PDC: variants seen among roughly 807,000 people sequenced by gnomAD.
The protein encoded by PDC is phosducin.
In PDC, 19 loss-of-function variants were observed where a neutral mutation model predicts 22.2. That is an observed-to-expected ratio of 0.86 (90% CI 0.60 to 1.26). The LOEUF is 1.26. Among genes scored for constraint, PDC ranks in the 50% most tolerant of loss-of-function variants. The pLI is 0.00. For synonymous variants in PDC, 97 were observed against 96.2 expected (o/e 1.01, Z -0.05); for missense variants, 274 against 286.8 (o/e 0.96, Z 0.32).
chr1:186,445,502 AT>A (rs1662207242), intron 3 of PDC, among the ~76,000 whole-genome samples: 1 of 151,964 alleles, frequency 6.6e-6, no homozygotes, highest in Non-Finnish European at 1.5e-5. Context: ...TCTTTTCCTT[AT>A]CATATTTTTT....
intron 1 of PDC, among the ~76,000 whole-genome samples, chr1:186,460,447 G>A (rs1244460586): frequency 6.6e-6 from 1 of 152,126 alleles, no homozygotes; most frequent in Non-Finnish European, 1.5e-5. Context: ...AGGTCCCAAA[G>A]CGCAAGTGTT....
At chr1:186,446,344 T>C in intron 3 of PDC, 82 bp downstream of exon 3, 1 of 1,035,860 alleles carries the variant, frequency 9.7e-7, no homozygotes, top group Non-Finnish European at 1.4e-6. Flanking sequence ...TATTTTGTAA[T>C]AGTCTAAAGT....
chr1:186,453,521 G>T (rs1283706617), intron 1 of PDC, among the ~76,000 whole-genome samples: 2 of 152,122 alleles, frequency 1.3e-5, no homozygotes, highest in Non-Finnish European at 2.9e-5. Flanking sequence ...AGCTATTGTA[G>T]TTTATTGGTA....
chr1:186,450,525 T>A (rs991748587), intron 1 of PDC, among the ~76,000 whole-genome samples: 3 of 151,964 alleles, frequency 2.0e-5, no homozygotes, highest in African/African-American at 7.3e-5. Context: ...TTTTTTTTAT[T>A]TTTTGGTATG....
chr1:186,444,964 A>C (rs1467394336), intron 3 of PDC, among the ~76,000 whole-genome samples: 1 of 152,160 alleles, frequency 6.6e-6, no homozygotes, highest in Non-Finnish European at 1.5e-5. Flanking sequence ...TAGAACCTAT[A>C]AGAGTGAGGC....
chr1:186,457,689 A>G (rs1200763755), intron 1 of PDC, among the ~76,000 whole-genome samples: 1 of 152,180 alleles, frequency 6.6e-6, no homozygotes, highest in Non-Finnish European at 1.5e-5. Context: ...TGGTATCATA[A>G]TAAGAGTTTT....
intron 1 of PDC, among the ~76,000 whole-genome samples, chr1:186,455,304 T>G (rs1245936170): frequency 1.3e-5 from 2 of 152,180 alleles, no homozygotes; most frequent in Admixed American, 1.3e-4. Context: ...TTTGACCTCA[T>G]TTAACTTTAA....
chr1:186,449,103 G>A (rs58724193), intron 2 of PDC, among the ~76,000 whole-genome samples: 3,425 of 152,118 alleles, frequency 0.023, 145 homozygotes, highest in African/African-American at 0.077. Flanking sequence ...GTACAATCAG[G>A]AGAGAGGAAA....
rs183018939 is a variant in PDC, at chr1:186,459,802, A to T, written c.-25+1257T>A. Among the ~76,000 whole-genome samples the T allele has an allele frequency of 6.3e-3, 896 of 142,130 alleles. 13 individuals carry two copies. The highest frequency in any genetic ancestry group is 0.022 in the African/African-American group (862 of 39,624). The allele number at this position is 142,130 out of a possible 152,430, so 93.2% of individuals were successfully genotyped here. A position where few individuals can be genotyped will look rare whatever the true frequency, so the allele number is the denominator to read the frequency against. ...TATATTTAAAATGGACTCTATAGTT[A>T]GAAGCTATTTTTGCAGTTAATAAAA... On this transcript the variant is annotated intron_variant, in intron 1 of 3. Coordinates refer to ENST00000391997, the MANE Select transcript of PDC (RefSeq NM_002597.5).
intron 3 of PDC, 117 bp downstream of exon 3, chr1:186,446,309 A>G: frequency 1.4e-6 from 1 of 707,642 alleles, no homozygotes; most frequent in Non-Finnish European, 2.1e-6. Context: ...TTTTTTTGCC[A>G]GCGTAAGCAA....
intron 3 of PDC, among the ~76,000 whole-genome samples, chr1:186,444,885 C>A (rs915032784): frequency 6.6e-6 from 1 of 152,144 alleles, no homozygotes; most frequent in Non-Finnish European, 1.5e-5. Flanking sequence ...TTTGGACCAG[C>A]AGCATCAGCA....
At chr1:186,457,016 CTG>C (rs946180917) in intron 1 of PDC, among the ~76,000 whole-genome samples, 3 of 152,178 alleles carry the variant, frequency 2.0e-5, no homozygotes, top group Admixed American at 1.3e-4. Flanking sequence ...GAGTGTCACA[CTG>C]TGTTCTAGTC....
chr1:186,455,797 TAAAAAAAAAAAAA>T (rs71104862), intron 1 of PDC, among the ~76,000 whole-genome samples: 1 of 39,356 alleles, frequency 2.5e-5, no homozygotes, highest in African/African-American at 1.1e-4. Context: ...CCGTCTCTAC[TAAAAAAAAAAAAA>T]AAAAAAAAAA....
At chr1:186,445,575 T>C (rs1051718246) in intron 3 of PDC, among the ~76,000 whole-genome samples, 1 of 152,176 alleles carries the variant, frequency 6.6e-6, no homozygotes, top group African/African-American at 2.4e-5. Flanking sequence ...TCCCAGCACT[T>C]TGGCAGGCCA....
chr1:186,446,968 A>G (rs1050534190), intron 2 of PDC, among the ~76,000 whole-genome samples: 2 of 152,192 alleles, frequency 1.3e-5, no homozygotes, highest in Non-Finnish European at 2.9e-5. Flanking sequence ...GCATTACAGT[A>G]TTAATAAAGG....
At chr1:186,459,926 A>C (rs1489679050) in intron 1 of PDC, among the ~76,000 whole-genome samples, 2 of 151,296 alleles carry the variant, frequency 1.3e-5, no homozygotes, top group Non-Finnish European at 3.0e-5. Flanking sequence ...AAATAGAAAA[A>C]AAAAAACCAA....
chr1:186,450,700 A>G (rs1480608302), intron 1 of PDC, among the ~76,000 whole-genome samples: 1 of 152,136 alleles, frequency 6.6e-6, no homozygotes, highest in East Asian at 1.9e-4. Flanking sequence ...TATTCATACG[A>G]AACTCCTTGG....
intron 1 of PDC, among the ~76,000 whole-genome samples, chr1:186,453,432 C>T (rs1367757067): frequency 2.0e-5 from 3 of 152,072 alleles, no homozygotes; most frequent in African/African-American, 7.2e-5. Context: ...CACTTCAAAC[C>T]TGTTTAATCA....
intron 1 of PDC, 122 bp from the exon 2 acceptor site, chr1:186,449,605 A>T (rs1662308345): frequency 4.1e-6 from 2 of 484,304 alleles, no homozygotes; most frequent in African/African-American, 3.9e-5. Context: ...TTCCATAAGT[A>T]GGCTAAGGAT....
Sources: gnomAD v4.1 joint callset for allele counts (sites outside exome capture counted in the v4.1 genomes callset) on GRCh38, gnomAD v4.1.1 for gene constraint, MANE v1.5 for transcripts, NCBI Gene and HGNC (gene_info 2026-07-23, HGNC 2026-07-21) for gene names.